The following RALYL variants were observed in gnomAD, a reference collection of about 807,000 sequenced individuals.
RALYL encodes RALY RNA binding protein like.
In RALYL, 29 loss-of-function variants were observed where a neutral mutation model predicts 35.1. The ratio of observed to expected loss-of-function variants is 0.83; its 90% CI spans 0.61 to 1.13. The LOEUF is 1.13. Among genes scored for constraint, RALYL ranks in the 50% most tolerant of loss-of-function variants. The pLI is 0.00. For missense variants in RALYL, 359 were observed against 360.4 expected (o/e 1.00, Z 0.03); for synonymous variants, 120 against 127.6 (o/e 0.94, Z 0.40).
intron 2 of RALYL, among the ~76,000 whole-genome samples, chr8:84,723,906 T>C (rs143512417): frequency 9.2e-4 from 140 of 151,900 alleles, no homozygotes; most frequent in African/African-American, 3.2e-3. Context: ...AAATTATATT[T>C]ATTTCTTTGG....
rs576979520 is a variant in RALYL, at chr8:84,390,698, T to A, written c.-23-138601T>A. On this transcript the variant is annotated intron_variant, in intron 1 of 8. Transcript: ENST00000521268. ...GGGATCAGTGGTGATATCCCCTTTA[T>A]CATTTTTTACTGGAAGGTGGTTCTT... Among the ~76,000 whole-genome samples, 166 of 152,208 alleles carry A rather than the reference T, an allele frequency of 1.1e-3. 1 individual carries two copies. The highest frequency in any genetic ancestry group is 3.8e-3 in the African/African-American group (158 of 41,562).
At chr8:84,816,737 A>C (rs1827390944) in intron 4 of RALYL, among the ~76,000 whole-genome samples, 1 of 152,162 alleles carries the variant, frequency 6.6e-6, no homozygotes, top group African/African-American at 2.4e-5. Flanking sequence ...ACATAATTGT[A>C]CATCTTAAGT....
intron 2 of RALYL, among the ~76,000 whole-genome samples, chr8:84,539,854 GTATATATATATA>G (rs1294869865): frequency 0.08 from 1,924 of 24,168 alleles, 68 homozygotes; most frequent in African/African-American, 0.18. Context: ...ATATATATAT[GTATATATATATA>G]TATATATATA....
At chr8:84,774,528 C>T (rs1327125104) in intron 2 of RALYL, 51 bp from the exon 3 acceptor site, 10 of 1,173,866 alleles carry the variant, frequency 8.5e-6, no homozygotes, top group African/African-American at 1.6e-5. Flanking sequence ...TTACTTTTCT[C>T]AGATGGTTTC....
At chr8:84,838,652 G>A (rs1415504298) in intron 4 of RALYL, among the ~76,000 whole-genome samples, 4 of 152,138 alleles carry the variant, frequency 2.6e-5, no homozygotes, top group African/African-American at 9.7e-5. Flanking sequence ...AGAATACTTA[G>A]CTATAACTGG....
intron 2 of RALYL, among the ~76,000 whole-genome samples, chr8:84,644,108 GTGT>G (rs1432782823): frequency 2.0e-5 from 3 of 152,014 alleles, no homozygotes; most frequent in African/African-American, 7.2e-5. Flanking sequence ...GAGGCATGTG[GTGT>G]TTCAAAGAAA....
chr8:84,182,854 G>GAAACAAAC (rs530912044), upstream of RALYL: 1 of 152,906 alleles, frequency 6.5e-6, no homozygotes, highest in East Asian at 1.9e-4. Context: ...GAAAATCAGG[G>GAAACAAAC]AAACAAACAA....
rs547049426 is a variant in RALYL at position 84,216,356 on chromosome 8, C to T, written c.-24+31932C>T. On this transcript the variant is annotated intron_variant, in intron 1 of 8. Transcript: ENST00000521268. ...TATAATATTATTTTAATAAAAGTCT[C>T]AGCAGAGTTAAGAGATGTAACATTT... 1.7e-4 allele frequency among the ~76,000 whole-genome samples: 26 copies of T among 152,090 alleles called. No individual in the cohort carries two copies. In the South Asian group the frequency reaches 4.8e-3, roughly 28 times the overall value.
In RALYL at chr8:84,613,860, T is replaced by TTATATA. The variant is rs34184283; in HGVS notation, c.256+84300_256+84305dup. Among the ~76,000 whole-genome samples the TTATATA allele has an allele frequency of 5.1e-4, 73 of 142,124 alleles. 2 individuals carry two copies. Among genetic ancestry groups the TTATATA allele is most frequent in the African/African-American group, 1.2e-3 (45 of 38,642 alleles). The allele number at this position is 142,124 out of a possible 152,430, so 93.2% of individuals were successfully genotyped here. On this transcript the variant is annotated intron_variant, in intron 2 of 8. Coordinates refer to ENST00000521268, the MANE Select transcript of RALYL (RefSeq NM_173848.7). ...TTACTTTAAACAATTTTCTTCAGAT[T>TTATATA]TATATATATATATATATATATAATA... is the stretch of plus-strand genomic sequence containing the variant.
intron 7 of RALYL, among the ~76,000 whole-genome samples, chr8:84,875,258 A>G (rs1445665280): frequency 6.6e-6 from 1 of 152,182 alleles, no homozygotes; most frequent in Non-Finnish European, 1.5e-5. Context: ...AAGGACTTTG[A>G]TAACCAATTT....
At chr8:84,649,539 T>A (rs982482762) in intron 2 of RALYL, among the ~76,000 whole-genome samples, 2 of 152,134 alleles carry the variant, frequency 1.3e-5, no homozygotes, top group Non-Finnish European at 2.9e-5. Flanking sequence ...AAATAGGGAA[T>A]CCTTTCCCCA....
intron 1 of RALYL, among the ~76,000 whole-genome samples, chr8:84,297,630 C>T (rs1201924410): frequency 1.3e-5 from 2 of 152,076 alleles, no homozygotes; most frequent in Non-Finnish European, 2.9e-5. Flanking sequence ...CTCAAAACTG[C>T]TTTCTACAGT....
intron 1 of RALYL, among the ~76,000 whole-genome samples, chr8:84,276,015 T>C (rs1240575509): frequency 6.6e-6 from 1 of 152,170 alleles, no homozygotes; most frequent in African/African-American, 2.4e-5. Flanking sequence ...AAACATCACA[T>C]TGCTTTTTTA....
chr8:84,381,024 A>G (rs1186288548), intron 1 of RALYL, among the ~76,000 whole-genome samples: 1 of 151,856 alleles, frequency 6.6e-6, no homozygotes, highest in Non-Finnish European at 1.5e-5. Context: ...GTCAGCAAAA[A>G]GAGGACCCCA....
At chr8:84,810,071 C>T (rs1284187216) in intron 4 of RALYL, among the ~76,000 whole-genome samples, 3 of 151,832 alleles carry the variant, frequency 2.0e-5, no homozygotes, top group East Asian at 1.9e-4. Flanking sequence ...TGAGATGTGA[C>T]CTTAGAATGT....
rs189638822 is a variant in RALYL, at chr8:84,435,660, A to G, written c.-23-93639A>G. ...CTTAATCTCAACATATCACAGAACT[A>G]CATTTGCCTTGTTTGCCAGTAATTG... On this transcript the variant is annotated intron_variant, in intron 1 of 8. Coordinates refer to ENST00000521268, the MANE Select transcript of RALYL (RefSeq NM_173848.7). 2.7e-3 allele frequency among the ~76,000 whole-genome samples: 406 copies of G among 152,274 alleles called. 1 individual carries two copies. Among genetic ancestry groups the G allele is most frequent in the African/African-American group, 9.5e-3 (394 of 41,580 alleles).
chr8:84,550,618 T>A (rs1034010223), intron 2 of RALYL, among the ~76,000 whole-genome samples: 1 of 151,390 alleles, frequency 6.6e-6, no homozygotes, highest in African/African-American at 2.4e-5. Context: ...TACCTTTTTA[T>A]TTTATTTTAT....
chr8:84,574,070 T>A (rs1425351093), intron 2 of RALYL, among the ~76,000 whole-genome samples: 1 of 152,026 alleles, frequency 6.6e-6, no homozygotes, highest in Non-Finnish European at 1.5e-5. Flanking sequence ...TTGATGTCAT[T>A]GTTGAGTTTA....
chr8:84,910,666 C>T (rs1294750256), intron 8 of RALYL, among the ~76,000 whole-genome samples: 1 of 152,032 alleles, frequency 6.6e-6, no homozygotes, highest in Admixed American at 6.6e-5. Flanking sequence ...ATGTGCATAG[C>T]TTCTCACCTC....
Sources: allele counts gnomAD v4.1 joint callset (sites outside exome capture counted in the v4.1 genomes callset), GRCh38; gene constraint gnomAD v4.1.1; transcripts MANE v1.5; gene names NCBI Gene and HGNC (gene_info 2026-07-23, HGNC 2026-07-21).